Variants in KLC1 observed in about 807,000 individuals in gnomAD.
KLC1 encodes the protein kinesin light chain 1.
A neutral mutation model predicts 84.2 loss-of-function variants in KLC1; 30 were observed. The observed-to-expected ratio is 0.36, with a 90% CI of 0.27 to 0.48. The LOEUF is 0.48. Among genes scored for constraint, KLC1 ranks in the 20% least tolerant of loss-of-function variants. KLC1 has a pLI of 0.99. For synonymous variants in KLC1, 289 were observed against 293.3 expected (o/e 0.99, Z 0.15); for missense variants, 499 against 805.4 (o/e 0.62, Z 4.60).
intron 5 of KLC1, among the ~76,000 whole-genome samples, chr14:103,667,838 T>C (rs2151639190): frequency 6.6e-6 from 1 of 152,324 alleles, no homozygotes; most frequent in East Asian, 1.9e-4. Context: ...TTACTACTAC[T>C]CAATTGAGAA....
In KLC1 at chr14:103,654,857, G is replaced by C. The variant is rs763701891; in HGVS notation, c.261+32G>C. ...GTGAGAATGACTCAGACGTTATCAGGAACTTTTGATGGTAAAATGGAGACT... is the reference window on the plus strand; with the variant it reads ...GTGAGAATGACTCAGACGTTATCAGCAACTTTTGATGGTAAAATGGAGACT... On this transcript the variant is annotated intron_variant, in intron 2 of 16. Transcript: ENST00000334553. 56 of 1,588,268 alleles carry C rather than the reference G, an allele frequency of 3.5e-5. 3 individuals are homozygous for C. In the South Asian group the frequency reaches 6.1e-4, roughly 17 times the overall value.
intron 13 of KLC1, chr14:103,682,437 C>A (rs1422670273): frequency 6.6e-6 from 1 of 150,678 alleles, no homozygotes; most frequent in East Asian, 2.0e-4. Context: ...GTAATCCCAC[C>A]ACTTTGGGAG....
intron 1 of KLC1, among the ~76,000 whole-genome samples, chr14:103,635,206 A>T (rs1342649329): frequency 6.6e-6 from 1 of 152,214 alleles, no homozygotes; most frequent in African/African-American, 2.4e-5. Context: ...TGTTACCTTC[A>T]TTTAAACCAT....
chr14:103,699,496 C>T (rs200948313), intron 15 of KLC1: 117 of 1,612,884 alleles, frequency 7.3e-5, no homozygotes, highest in Admixed American at 3.5e-4. Context: ...GGGCTGCCAC[C>T]GAGTCGATGA....
intron 1 of KLC1, among the ~76,000 whole-genome samples, chr14:103,640,177 C>T (rs975506126): frequency 1.3e-5 from 2 of 152,192 alleles, no homozygotes; most frequent in African/African-American, 2.4e-5. Flanking sequence ...TCTACTGCCT[C>T]ACCCTCCCGA....
At position 103,693,506 on chromosome 14, in the gene KLC1, T is replaced by C; in HGVS notation, c.1848+1081T>C. The C allele has an allele frequency of 6.5e-7, 1 of 1,535,528 alleles. No homozygotes were observed. The highest frequency in any genetic ancestry group is 2.4e-5 in the East Asian group (1 of 40,906). ...TGAGGCCATTTGAAGCTGGCATCAT[T>C]TGAAGTCCTGGTTAAGTGTAATTTT... is the stretch of plus-strand genomic sequence containing the variant. On this transcript the variant is annotated intron_variant, in intron 15 of 16. Coordinates refer to ENST00000334553, the MANE Select transcript of KLC1 (RefSeq NM_001394837.1). The surrounding 1 kb of genome is among the most constrained non-coding windows in gnomAD (Gnocchi z 5.1).
intron 12 of KLC1, among the ~76,000 whole-genome samples, chr14:103,678,698 A>G (rs79175269): frequency 7.0e-6 from 1 of 142,036 alleles, no homozygotes; most frequent in Non-Finnish European, 1.5e-5. Flanking sequence ...TCAAAGAAAG[A>G]AAAAAAAAAA....
intron 14 of KLC1, chr14:103,687,709 A>G (rs2081867922): frequency 6.6e-6 from 1 of 152,228 alleles, no homozygotes; most frequent in Admixed American, 6.5e-5. Flanking sequence ...ACTTTATTAT[A>G]AGGAGATTTT....
chr14:103,696,092 G>GCA (rs2082461513), intron 15 of KLC1: 1 of 758,970 alleles, frequency 1.3e-6, no homozygotes, highest in African/African-American at 2.8e-5. Context: ...TAATCACTGC[G>GCA]CCCCCGCCCC....
At chr14:103,698,985 C>T in intron 15 of KLC1, 1 of 1,596,846 alleles carries the variant, frequency 6.3e-7, no homozygotes, top group South Asian at 1.1e-5. Context: ...CCAGGTTATG[C>T]CAAGGGCTGG....
At chr14:103,637,542 G>A (rs1017641098) in intron 1 of KLC1, among the ~76,000 whole-genome samples, 4 of 151,126 alleles carry the variant, frequency 2.6e-5, no homozygotes, top group Admixed American at 1.3e-4. Flanking sequence ...AAAAAAAAAA[G>A]AAATTTTCGC....
intron 11 of KLC1, 25 bp from the exon 12 acceptor site, chr14:103,677,390 C>G (rs1235655009): frequency 3.7e-6 from 5 of 1,354,494 alleles, no homozygotes; most frequent in East Asian, 2.3e-5. Flanking sequence ...TGTCATAGTT[C>G]TGTATGTCAT....
intron 3 of KLC1, among the ~76,000 whole-genome samples, chr14:103,659,801 G>A (rs1372241802): frequency 2.0e-5 from 3 of 152,022 alleles, no homozygotes; most frequent in Non-Finnish European, 2.9e-5. Context: ...GGGCTGGATG[G>A]CTTAACATTT....
chr14:103,695,211 C>G (rs1850043434), intron 15 of KLC1: 11 of 808,514 alleles, frequency 1.4e-5, no homozygotes, highest in Non-Finnish European at 1.6e-5. Flanking sequence ...ATCCTATAAT[C>G]TTAGCACTTT....
At chr14:103,645,541 C>T (rs1048813542) in intron 1 of KLC1, among the ~76,000 whole-genome samples, 1 of 152,044 alleles carries the variant, frequency 6.6e-6, no homozygotes, top group Non-Finnish European at 1.5e-5. Context: ...AGGAATGCAT[C>T]GTTAAGTGAT....
intron 1 of KLC1, among the ~76,000 whole-genome samples, chr14:103,642,075 C>G (rs1466457786): frequency 6.6e-6 from 1 of 152,110 alleles, no homozygotes; most frequent in Non-Finnish European, 1.5e-5. Context: ...GGATTACAGG[C>G]ATGCACCACC....
At chr14:103,646,537 G>T (rs997599057) in intron 1 of KLC1, among the ~76,000 whole-genome samples, 2 of 151,984 alleles carry the variant, frequency 1.3e-5, no homozygotes, top group Admixed American at 1.3e-4. Context: ...TTCAGACAAG[G>T]TCTCACTCTG....
At chr14:103,663,302 G>A (rs1017430633) in intron 5 of KLC1, among the ~76,000 whole-genome samples, 4 of 151,986 alleles carry the variant, frequency 2.6e-5, no homozygotes, top group Admixed American at 6.5e-5. Flanking sequence ...GGATGGTCTC[G>A]ATCTCCTGAC....
At chr14:103,699,746 CAA>C (rs1356219599) in intron 15 of KLC1, among the ~76,000 whole-genome samples, 1 of 152,108 alleles carries the variant, frequency 6.6e-6, no homozygotes, top group Non-Finnish European at 1.5e-5. Flanking sequence ...GTATTTTTCT[CAA>C]AGAGGCCCCA....
Sources: allele counts gnomAD v4.1 joint callset (sites outside exome capture counted in the v4.1 genomes callset), GRCh38; gene constraint gnomAD v4.1.1; non-coding constraint Gnocchi (gnomAD v3.1); transcripts MANE v1.5; gene names NCBI Gene and HGNC (gene_info 2026-07-23, HGNC 2026-07-21).